KALRN: variants seen among roughly 807,000 people sequenced by gnomAD.
KALRN encodes the protein kalirin RhoGEF kinase.
A neutral mutation model predicts 353.7 loss-of-function variants in KALRN; 70 were observed. The observed-to-expected ratio is 0.20, with a 90% CI of 0.16 to 0.24. The LOEUF (loss-of-function observed/expected upper bound fraction) is 0.24. KALRN is among the 10% of genes least tolerant of loss of function. KALRN has a pLI of 1.00. For missense variants in KALRN, 2,791 were observed against 3,756.7 expected, an observed-to-expected ratio of 0.74 and a Z score of 6.72; for synonymous variants, 1,391 against 1,434.8, an observed-to-expected ratio of 0.97 and a Z score of 0.69.
chr3:124,096,605 C>A (rs1236860988), intron 1 of KALRN: 2 of 152,206 alleles, frequency 1.3e-5, no homozygotes, highest in Admixed American at 1.3e-4. Context: ...ATGCTTGAAT[C>A]CATGAGTCAC....
At chr3:124,592,512 T>C (rs919232038) in intron 34 of KALRN, among the ~76,000 whole-genome samples, 1 of 152,186 alleles carries the variant, frequency 6.6e-6, no homozygotes, top group African/African-American at 2.4e-5. Flanking sequence ...TGGTTAGCAA[T>C]ATCATTGGAA....
chr3:124,229,645 G>A (rs1259043585), intron 2 of KALRN, among the ~76,000 whole-genome samples: 1 of 152,264 alleles, frequency 6.6e-6, no homozygotes, highest in Non-Finnish European at 1.5e-5. Context: ...GAAAGGGGAA[G>A]TTAAGCAGCA....
At chr3:124,468,512 A>T (rs1001653329) in intron 25 of KALRN, among the ~76,000 whole-genome samples, 3 of 152,160 alleles carry the variant, frequency 2.0e-5, no homozygotes, top group African/African-American at 7.2e-5. Flanking sequence ...CCCTTGCTTA[A>T]AATGTGCATG....
intron 3 of KALRN, among the ~76,000 whole-genome samples, chr3:124,239,165 A>T (rs956143282): frequency 6.6e-6 from 1 of 152,172 alleles, no homozygotes; most frequent in South Asian, 2.1e-4. Context: ...AAATACTCAG[A>T]TGTGATCAGC....
intron 27 of KALRN, 136 bp downstream of exon 27, chr3:124,477,470 A>G (rs1237872039): frequency 6.1e-6 from 4 of 651,546 alleles, no homozygotes; most frequent in African/African-American, 5.5e-5. Flanking sequence ...TTAAGCATGG[A>G]AAAAAAGCAA....
intron 1 of KALRN, among the ~76,000 whole-genome samples, chr3:124,120,736 A>T (rs905101479): frequency 1.4e-5 from 2 of 144,392 alleles, no homozygotes; most frequent in African/African-American, 5.3e-5. Flanking sequence ...ATATATATAT[A>T]TATATATATT....
chr3:124,651,023 G>T (rs1052828016), intron 38 of KALRN, 85 bp downstream of exon 38: 8 of 1,506,808 alleles, frequency 5.3e-6, no homozygotes, highest in Non-Finnish European at 7.3e-6. Context: ...TTCGAGAGGG[G>T]TTCCCCACGC....
chr3:124,637,442 G>T (rs2081483321), intron 37 of KALRN, 139 bp downstream of exon 37: 2 of 695,976 alleles, frequency 2.9e-6, no homozygotes, highest in African/African-American at 1.7e-5. Context: ...TTTCTAAAAA[G>T]CTGTACCCCA....
At chr3:124,087,385 G>T (rs1484212799) in intron 1 of KALRN, among the ~76,000 whole-genome samples, 1 of 152,104 alleles carries the variant, frequency 6.6e-6, no homozygotes, top group African/African-American at 2.4e-5. Context: ...CCCATCTTCA[G>T]AATTCTAAGA....
chr3:124,208,977 T>TC (rs1241223480), intron 1 of KALRN, among the ~76,000 whole-genome samples: 2 of 151,402 alleles, frequency 1.3e-5, no homozygotes, highest in Admixed American at 6.6e-5. Context: ...ATAATAATAA[T>TC]AATAATAATC....
intron 1 of KALRN, among the ~76,000 whole-genome samples, chr3:124,110,375 A>G (rs1920627): frequency 0.25 from 1,005 of 4,042 alleles, 416 homozygotes; most frequent in East Asian, 0.92. Flanking sequence ...TGACATATAT[A>G]TCATACTTTG....
chr3:124,062,699 A>G (rs1295251225), intron 1 of KALRN, among the ~76,000 whole-genome samples: 2 of 152,152 alleles, frequency 1.3e-5, no homozygotes, highest in Non-Finnish European at 2.9e-5. Flanking sequence ...GGTGCCTTAG[A>G]AAAATGGAGG....
chr3:124,496,248 T>C, intron 32 of KALRN, 63 bp from the exon 33 acceptor site: 1 of 1,244,852 alleles, frequency 8.0e-7, no homozygotes, highest in Non-Finnish European at 1.2e-6. Context: ...AATCCTTGTG[T>C]GCTCTAAACC....
chr3:124,697,536 G>GTGT (rs2150635814), intron 54 of KALRN, 57 bp from the exon 55 acceptor site: 1 of 1,507,274 alleles, frequency 6.6e-7, no homozygotes, highest in East Asian at 2.4e-5. Flanking sequence ...TTATACCTTG[G>GTGT]TGTAAAATGC....
chr3:124,508,936 T>C (rs531813593), intron 33 of KALRN, among the ~76,000 whole-genome samples: 1 of 152,210 alleles, frequency 6.6e-6, no homozygotes, highest in African/African-American at 2.4e-5. Flanking sequence ...CCTGTTTGTA[T>C]TGGGCCTTTG....
chr3:124,272,496 A>G (rs565746148), intron 5 of KALRN, among the ~76,000 whole-genome samples: 10 of 152,152 alleles, frequency 6.6e-5, no homozygotes, highest in Non-Finnish European at 1.3e-4. Flanking sequence ...CATGAACCCA[A>G]GGTTTAGAAT....
At chr3:124,674,793 G>A in intron 49 of KALRN, 179 bp downstream of exon 49, 1 of 513,650 alleles carries the variant, frequency 1.9e-6, no homozygotes, top group South Asian at 6.4e-5. Flanking sequence ...CATCCGGGCT[G>A]GAGTGATCCA....
chr3:124,233,088 G>A (rs1244207798), intron 2 of KALRN, among the ~76,000 whole-genome samples: 1 of 152,108 alleles, frequency 6.6e-6, no homozygotes, highest in Non-Finnish European at 1.5e-5. Flanking sequence ...AGCTTGGGAG[G>A]GGCAGTGTCA....
intron 10 of KALRN, among the ~76,000 whole-genome samples, chr3:124,359,677 A>T (rs2083803772): frequency 6.6e-6 from 1 of 152,126 alleles, no homozygotes; most frequent in African/African-American, 2.4e-5. Context: ...TGATGTGGAG[A>T]TTAGAAATAA....
Sources: gnomAD v4.1 joint callset for allele counts (sites outside exome capture counted in the v4.1 genomes callset) on GRCh38, gnomAD v4.1.1 for gene constraint, MANE v1.5 for transcripts, NCBI Gene and HGNC (gene_info 2026-07-23, HGNC 2026-07-21) for gene names.